THADA: variants seen among roughly 807,000 people sequenced by gnomAD.
THADA encodes THADA armadillo repeat containing.
THADA carries 213 observed loss-of-function variants against 219.8 expected under a neutral mutation model. The observed-to-expected ratio is 0.97, with a 90% CI of 0.87 to 1.09. The LOEUF (loss-of-function observed/expected upper bound fraction) is 1.09, where lower values mean the gene tolerates loss of function less well. Ranked by LOEUF, THADA falls within the 50% of genes least tolerant of loss-of-function variation. The pLI is 0.00. For missense variants in THADA, 2,956 were observed against 2,311.3 expected (o/e 1.28, Z -5.72); for synonymous variants, 1,018 against 828.9 (o/e 1.23, Z -3.92).
At chr2:43,268,678 G>A (rs557316336) in intron 36 of THADA, among the ~76,000 whole-genome samples, 2 of 152,264 alleles carry the variant, frequency 1.3e-5, no homozygotes, top group South Asian at 2.1e-4. Context: ...GGGAGGGGTC[G>A]CCACCGTGGC....
rs201735523 is a variant in THADA at position 43,489,874 on chromosome 2, C to CAAA, written c.3745-4552_3745-4550dup. Among the ~76,000 whole-genome samples the CAAA allele has an allele frequency of 2.9e-4, 16 of 56,016 alleles. 1 individual carries two copies. Among genetic ancestry groups the CAAA allele is most frequent in the South Asian group, 7.3e-4 (1 of 1,378 alleles). 36.7% of individuals were successfully genotyped at this position (56,016 alleles called of 152,430 possible). On this transcript the variant is annotated intron_variant, in intron 25 of 37. Coordinates refer to ENST00000405975, the MANE Select transcript of THADA (RefSeq NM_022065.5). ...ATTTCCATATGTATTTTAAGATCTGCAAAAAAAAAAAAAAAAAAAAGCTAG... is the reference window on the plus strand; with the variant it reads ...ATTTCCATATGTATTTTAAGATCTGCAAAAAAAAAAAAAAAAAAAAAAAGCTAG...
At chr2:43,445,970 C>T (rs1681479006) in intron 26 of THADA, among the ~76,000 whole-genome samples, 1 of 152,180 alleles carries the variant, frequency 6.6e-6, no homozygotes, top group African/African-American at 2.4e-5. Context: ...CCTGGAAGAG[C>T]CCTGCCACGC....
intron 22 of THADA, among the ~76,000 whole-genome samples, chr2:43,514,450 TAAA>T (rs1558886862): frequency 7.0e-6 from 1 of 142,726 alleles, no homozygotes; most frequent in Non-Finnish European, 1.5e-5. Context: ...GACCCTGTCT[TAAA>T]AAATATATAT....
chr2:43,249,836 G>A (rs1669633631), intron 36 of THADA, among the ~76,000 whole-genome samples: 1 of 152,030 alleles, frequency 6.6e-6, no homozygotes, highest in African/African-American at 2.4e-5. Flanking sequence ...CAGCATCTCT[G>A]TGGTGACCAT....
chr2:43,498,587 T>A (rs1466352352), intron 25 of THADA, among the ~76,000 whole-genome samples: 1 of 151,588 alleles, frequency 6.6e-6, no homozygotes, highest in Non-Finnish European at 1.5e-5. Flanking sequence ...CAAACATACA[T>A]ACTGTAAACC....
At chr2:43,578,473 C>A in intron 9 of THADA, 40 bp downstream of exon 9, 1 of 1,510,464 alleles carries the variant, frequency 6.6e-7, no homozygotes, top group Non-Finnish European at 9.2e-7. Flanking sequence ...CATACCCTAA[C>A]TCTCAATAAA....
At chr2:43,297,217 T>A (rs1236080923) in intron 31 of THADA, among the ~76,000 whole-genome samples, 69 of 103,312 alleles carry the variant, frequency 6.7e-4, no homozygotes, top group Non-Finnish European at 9.0e-4. Context: ...GAGGAGCGCC[T>A]CTGCCCGGCC....
chr2:43,580,232 G>T (rs1400689370), intron 8 of THADA, among the ~76,000 whole-genome samples: 1 of 151,620 alleles, frequency 6.6e-6, no homozygotes, highest in Non-Finnish European at 1.5e-5. Flanking sequence ...TTTTAGACAG[G>T]ATTTCATCAT....
chr2:43,246,084 G>C lies in THADA; in HGVS notation c.5297-13202C>G, dbSNP rs550114293. 4.8e-4 allele frequency among the ~76,000 whole-genome samples: 73 copies of C among 150,966 alleles called. 1 individual carries two copies. Among genetic ancestry groups the C allele is most frequent in the African/African-American group, 1.8e-3 (72 of 40,988 alleles). On this transcript the variant is annotated intron_variant, in intron 36 of 37. Coordinates refer to ENST00000405975, the MANE Select transcript of THADA (RefSeq NM_022065.5). ...AGAATCCAGAAAGTTTCCTTACTAG[G>C]TGCCCACCTCCCAGCCTTATCTAGA...
intron 21 of THADA, among the ~76,000 whole-genome samples, chr2:43,540,122 T>G (rs536736294): frequency 6.6e-6 from 1 of 152,366 alleles, no homozygotes; most frequent in East Asian, 1.9e-4. Flanking sequence ...TAATCATTAA[T>G]CATAGCTGGA....
intron 26 of THADA, among the ~76,000 whole-genome samples, chr2:43,455,237 A>G (rs1223648863): frequency 1.3e-5 from 2 of 152,014 alleles, no homozygotes; most frequent in Non-Finnish European, 2.9e-5. Flanking sequence ...TTGGGCTATC[A>G]TATTTTTTAA....
At chr2:43,364,618 T>C (rs976120627) in intron 29 of THADA, among the ~76,000 whole-genome samples, 1 of 152,242 alleles carries the variant, frequency 6.6e-6, no homozygotes, top group African/African-American at 2.4e-5. Context: ...GTACTGCATT[T>C]ACTTTTGGGA....
intron 31 of THADA, 38 bp downstream of exon 31, chr2:43,320,408 G>A: frequency 1.3e-6 from 2 of 1,520,362 alleles, no homozygotes; most frequent in Non-Finnish European, 1.8e-6. Context: ...TCAAAGATGT[G>A]TAACGATTCC....
intron 22 of THADA, among the ~76,000 whole-genome samples, chr2:43,510,476 A>G (rs931591416): frequency 6.6e-6 from 1 of 152,128 alleles, no homozygotes; most frequent in African/African-American, 2.4e-5. Flanking sequence ...ACTAGATTTT[A>G]TATCTTTTTA....
chr2:43,251,341 T>A (rs1669787962), intron 36 of THADA, among the ~76,000 whole-genome samples: 1 of 152,224 alleles, frequency 6.6e-6, no homozygotes, highest in Non-Finnish European at 1.5e-5. Context: ...TGAAGGCTTT[T>A]AAGGGAGGCT....
At position 43,279,848 on chromosome 2, in the gene THADA, T is replaced by G; in HGVS notation, c.5213A>C (p.Gln1738Pro). The G allele has an allele frequency of 6.4e-7, 1 of 1,570,030 alleles. No individual in the cohort carries two copies. The highest frequency in any genetic ancestry group is 8.6e-7 in the Non-Finnish European group (1 of 1,157,698). ...ALWKCVLTLL[Q>P]SEEQAVRDAA... is the part of the protein sequence containing the mutation. The stretch of plus-strand genomic sequence containing the variant: ...ATCTCTAACAGCTTGCTCCTCACTC[T>G]GCAGAAGGGTAAGGACACACTTCCA... The change falls in exon 36 of 38, where the codon CAG becomes CCG. Residue 1738 changes from glutamine to proline, a missense_variant. Physicochemically the swap from Gln to Pro is moderately conservative, Grantham distance 76 (BLOSUM62 -1). Coordinates refer to ENST00000405975, the MANE Select transcript of THADA (RefSeq NM_022065.5).
At chr2:43,509,317 G>A (rs866593893) in intron 22 of THADA, among the ~76,000 whole-genome samples, 1 of 152,124 alleles carries the variant, frequency 6.6e-6, no homozygotes, top group South Asian at 2.1e-4. Flanking sequence ...ACATTTTGAG[G>A]CGATTTGAAC....
At chr2:43,469,535 T>A (rs1684661241) in intron 26 of THADA, among the ~76,000 whole-genome samples, 1 of 152,198 alleles carries the variant, frequency 6.6e-6, no homozygotes, top group South Asian at 2.1e-4. Context: ...TTATTCTCAC[T>A]ACTAGGAAGA....
intron 36 of THADA, among the ~76,000 whole-genome samples, chr2:43,276,257 GC>G (rs1316061192): frequency 6.6e-6 from 1 of 152,200 alleles, no homozygotes; most frequent in Non-Finnish European, 1.5e-5. Context: ...TGCAGCTGGG[GC>G]TCCCTGATGT....
Sources: allele counts gnomAD v4.1 joint callset (sites outside exome capture counted in the v4.1 genomes callset), GRCh38; gene constraint gnomAD v4.1.1; transcripts MANE v1.5; gene names NCBI Gene and HGNC (gene_info 2026-07-23, HGNC 2026-07-21).